Variants in ADGRL2 observed in about 807,000 individuals in gnomAD.
ADGRL2 encodes calcium-independent alpha-latrotoxin receptor 2.
ADGRL2 carries 44 observed loss-of-function variants against 157.4 expected under a neutral mutation model. The ratio of observed to expected loss-of-function variants is 0.28; its 90% CI spans 0.22 to 0.36. ADGRL2 has a LOEUF of 0.36. ADGRL2 is among the 10% of genes least tolerant of loss of function. The probability of loss-of-function intolerance (pLI) is 1.00; values close to 1 mark genes in which losing one functional copy is unlikely to be tolerated. For missense variants in ADGRL2, 1,510 were observed against 1,768.9 expected (o/e 0.85, Z 2.63); for synonymous variants, 585 against 624.7 (o/e 0.94, Z 0.95).
chr1:81,615,590 C>T (rs992666921), intron 3 of ADGRL2, among the ~76,000 whole-genome samples: 32 of 152,278 alleles, frequency 2.1e-4, no homozygotes, highest in Non-Finnish European at 3.7e-4. Context: ...TAACACTCAC[C>T]GCGAGGGTCT....
At chr1:81,893,279 A>T (rs905730978) in intron 2 of ADGRL2, among the ~76,000 whole-genome samples, 1 of 122,608 alleles carries the variant, frequency 8.2e-6, no homozygotes, top group African/African-American at 2.7e-5. Context: ...ATTTTCTGAT[A>T]AAAAGTATTT....
chr1:81,635,014 G>C (rs1241048736), intron 3 of ADGRL2, among the ~76,000 whole-genome samples: 1 of 152,072 alleles, frequency 6.6e-6, no homozygotes, highest in Non-Finnish European at 1.5e-5. Context: ...GAAGTGCTGG[G>C]GCTTAACACC....
chr1:81,360,011 A>G (rs2075950425), intron 1 of ADGRL2, among the ~76,000 whole-genome samples: 2 of 152,010 alleles, frequency 1.3e-5, no homozygotes, highest in South Asian at 4.1e-4. Flanking sequence ...GATCATTTTA[A>G]AACAATCGAA....
At chr1:81,370,951 C>G (rs145122931) in intron 1 of ADGRL2, among the ~76,000 whole-genome samples, 268 of 152,250 alleles carry the variant, frequency 1.8e-3, no homozygotes, top group African/African-American at 6.3e-3. Flanking sequence ...TCGTGTGTGA[C>G]TTAGTGAGTT....
At chr1:81,598,713 A>T (rs972199380) in intron 3 of ADGRL2, among the ~76,000 whole-genome samples, 1 of 152,192 alleles carries the variant, frequency 6.6e-6, no homozygotes, top group African/African-American at 2.4e-5. Context: ...GTCCCAGCTG[A>T]TGTGTATGTT....
At chr1:81,405,184 G>C (rs1362745088) in intron 1 of ADGRL2, among the ~76,000 whole-genome samples, 1 of 152,154 alleles carries the variant, frequency 6.6e-6, no homozygotes, top group Non-Finnish European at 1.5e-5. Context: ...ACTCTGAGGA[G>C]CAGCATGCTT....
chr1:81,519,103 G>C (rs954560078), intron 2 of ADGRL2, among the ~76,000 whole-genome samples: 1 of 152,112 alleles, frequency 6.6e-6, no homozygotes, highest in Non-Finnish European at 1.5e-5. Context: ...TATGTCCAAG[G>C]TCACATGGAT....
intron 1 of ADGRL2, among the ~76,000 whole-genome samples, chr1:81,376,230 TCCAGAGAACCATTAGGCATTTTC>T (rs1337429939): frequency 2.6e-5 from 4 of 152,236 alleles, no homozygotes; most frequent in Non-Finnish European, 5.9e-5. Context: ...GCTAACCTGT[TCCAGAGAACCATTAGGCATTTTC>T]CCAGCTGCCT....
At chr1:81,465,156 T>C (rs1435585243) in intron 2 of ADGRL2, among the ~76,000 whole-genome samples, 1 of 151,830 alleles carries the variant, frequency 6.6e-6, no homozygotes, top group African/African-American at 2.4e-5. Flanking sequence ...ACTTCAAATA[T>C]CACAATTTGA....
At chr1:81,378,566 T>TAAAAAAAAAAA in intron 1 of ADGRL2, among the ~76,000 whole-genome samples, 1 of 101,326 alleles carries the variant, frequency 9.9e-6, no homozygotes, top group Non-Finnish European at 1.9e-5. Context: ...CCTTGTATCT[T>TAAAAAAAAAAA]AAAAAAAAAA....
chr1:81,473,494 C>T (rs958815025), intron 2 of ADGRL2, among the ~76,000 whole-genome samples: 1 of 152,248 alleles, frequency 6.6e-6, no homozygotes, highest in South Asian at 2.1e-4. Flanking sequence ...TCCAGTTAAA[C>T]GTATTATTAA....
In ADGRL2 at chr1:81,691,880, GTA is replaced by G. The variant is rs58043778; in HGVS notation, c.-142-69917_-142-69916del. On this transcript the variant is annotated intron_variant, in intron 3 of 24. Transcript: ENST00000370721. ...TATATATATATGGGTGTGTGTGTGTGTATATATATATATATGTATGTGTATAT... is the reference window on the plus strand; with the variant it reads ...TATATATATATGGGTGTGTGTGTGTGTATATATATATATGTATGTGTATAT... Among the ~76,000 whole-genome samples the G allele has an allele frequency of 3.8e-4, 45 of 119,844 alleles. 1 individual carries two copies. Among genetic ancestry groups the G allele is most frequent in the Non-Finnish European group, 3.0e-4 (17 of 56,548 alleles). The allele number at this position is 119,844 out of a possible 152,430, so 78.6% of individuals were successfully genotyped here.
intron 2 of ADGRL2, among the ~76,000 whole-genome samples, chr1:81,903,111 G>T (rs1196957003): frequency 1.3e-5 from 2 of 152,252 alleles, no homozygotes; most frequent in South Asian, 2.1e-4. Flanking sequence ...CTTCAGAAAA[G>T]GTTTTAATTA....
At chr1:81,336,626 G>A (rs1321539960) in intron 1 of ADGRL2, among the ~76,000 whole-genome samples, 1 of 152,120 alleles carries the variant, frequency 6.6e-6, no homozygotes, top group East Asian at 1.9e-4. Flanking sequence ...TAATCCAAAG[G>A]AGCAGGGAGA....
chr1:81,420,015 T>C (rs374271012), intron 1 of ADGRL2, among the ~76,000 whole-genome samples: 9 of 152,224 alleles, frequency 5.9e-5, no homozygotes, highest in Non-Finnish European at 1.3e-4. Context: ...TGAAAGTTGA[T>C]AATCTTTCTT....
chr1:81,500,866 T>C (rs1337462910), intron 2 of ADGRL2, among the ~76,000 whole-genome samples: 1 of 152,136 alleles, frequency 6.6e-6, no homozygotes, highest in Admixed American at 6.5e-5. Context: ...ATAAACCAAA[T>C]TTCTTGAAAA....
intron 2 of ADGRL2, among the ~76,000 whole-genome samples, chr1:81,785,076 A>T (rs2086978220): frequency 6.6e-6 from 1 of 152,160 alleles, no homozygotes; most frequent in South Asian, 2.1e-4. Flanking sequence ...GGATCCAATC[A>T]TATTTGCCAA....
chr1:81,853,251 G>T (rs1279930056), intron 2 of ADGRL2, among the ~76,000 whole-genome samples: 1 of 152,122 alleles, frequency 6.6e-6, no homozygotes, highest in African/African-American at 2.4e-5. Flanking sequence ...AGAGTGCCAG[G>T]AATAGTTTTA....
intron 3 of ADGRL2, among the ~76,000 whole-genome samples, chr1:81,590,521 A>G (rs945972964): frequency 9.9e-5 from 15 of 151,978 alleles, no homozygotes; most frequent in African/African-American, 3.1e-4. Context: ...CCCCCTTGCT[A>G]CAATGGACCC....
Sources: allele counts gnomAD v4.1 joint callset (sites outside exome capture counted in the v4.1 genomes callset), GRCh38; gene constraint gnomAD v4.1.1; transcripts MANE v1.5; gene names NCBI Gene and HGNC (gene_info 2026-07-23, HGNC 2026-07-21).